DYNC1I1: variants seen among roughly 807,000 people sequenced by gnomAD.
DYNC1I1 encodes the protein cytoplasmic dynein 1 intermediate chain 1.
DYNC1I1 carries 43 observed loss-of-function variants against 86.6 expected under a neutral mutation model. The ratio of observed to expected loss-of-function variants is 0.50; its 90% confidence interval spans 0.39 to 0.64. DYNC1I1 has a LOEUF of 0.64. DYNC1I1 is among the 30% of genes least tolerant of loss of function. The pLI is 0.00. For missense variants in DYNC1I1, 604 were observed against 788.8 expected (o/e 0.77, Z 2.81); for synonymous variants, 262 against 283.7 (o/e 0.92, Z 0.77).
chr7:96,041,734 A>G lies in DYNC1I1; in HGVS notation c.1509+2313A>G, dbSNP rs192216154. On this transcript the variant is annotated intron_variant, in intron 14 of 16. Transcript: ENST00000447467. Reference sequence around the variant, plus strand: ...TAAAGCAAAGTGGAGAGAAGTGCAAATAGTATATTATCATTGTTTATAATT... The same window carrying G: ...TAAAGCAAAGTGGAGAGAAGTGCAAGTAGTATATTATCATTGTTTATAATT... 6.4e-3 allele frequency among the ~76,000 whole-genome samples: 982 copies of G among 152,252 alleles called. 7 individuals carry two copies. Among genetic ancestry groups the G allele is most frequent in the African/African-American group, 0.022 (929 of 41,558 alleles).
chr7:95,848,046 A>G (rs1266806126), intron 5 of DYNC1I1, among the ~76,000 whole-genome samples: 16 of 152,114 alleles, frequency 1.1e-4, no homozygotes. Flanking sequence ...GTATTGAATT[A>G]TATATGCATT....
At chr7:95,941,334 T>C (rs1792211122) in intron 6 of DYNC1I1, among the ~76,000 whole-genome samples, 1 of 151,942 alleles carries the variant, frequency 6.6e-6, no homozygotes, top group Non-Finnish European at 1.5e-5. Flanking sequence ...TTCAAAGCTG[T>C]CAGACAGGGA....
At chr7:95,799,799 A>G (rs1794535097) in intron 1 of DYNC1I1, among the ~76,000 whole-genome samples, 1 of 152,046 alleles carries the variant, frequency 6.6e-6, no homozygotes, top group Admixed American at 6.6e-5. Flanking sequence ...TAAATCAGTA[A>G]TGTCCCATGT....
At chr7:95,886,807 G>A (rs181985810) in intron 6 of DYNC1I1, among the ~76,000 whole-genome samples, 1 of 152,324 alleles carries the variant, frequency 6.6e-6, no homozygotes, top group Admixed American at 6.5e-5. Flanking sequence ...TATGAAAGGA[G>A]CAGCAGTGAT....
intron 6 of DYNC1I1, among the ~76,000 whole-genome samples, chr7:95,949,034 CT>C (rs1186654041): frequency 1.2e-4 from 18 of 152,102 alleles, no homozygotes; most frequent in Admixed American, 9.8e-4. Flanking sequence ...TCTTACTCTG[CT>C]TTTGCAACTT....
intron 6 of DYNC1I1, among the ~76,000 whole-genome samples, chr7:95,949,801 C>A (rs1792503432): frequency 6.6e-6 from 1 of 152,132 alleles, no homozygotes; most frequent in African/African-American, 2.4e-5. Context: ...AATACTCCTC[C>A]TTTAAAAAGC....
intron 14 of DYNC1I1, among the ~76,000 whole-genome samples, chr7:96,054,330 G>A (rs1789505897): frequency 6.6e-6 from 1 of 152,166 alleles, no homozygotes; most frequent in African/African-American, 2.4e-5. Flanking sequence ...CCTGTTTTAT[G>A]GCTGCATAGT....
intron 1 of DYNC1I1, among the ~76,000 whole-genome samples, chr7:95,779,116 A>G (rs1460868494): frequency 6.6e-6 from 1 of 152,242 alleles, no homozygotes; most frequent in Non-Finnish European, 1.5e-5. Flanking sequence ...TGAACATGCC[A>G]CAAAGCACAA....
chr7:96,072,404 G>A (rs1372017988), intron 14 of DYNC1I1, among the ~76,000 whole-genome samples: 1 of 152,102 alleles, frequency 6.6e-6, no homozygotes, highest in Non-Finnish European at 1.5e-5. Flanking sequence ...ACATGACATA[G>A]AAAAGGAAAC....
chr7:95,957,288 G>A (rs1384307763), intron 6 of DYNC1I1, among the ~76,000 whole-genome samples: 2 of 152,072 alleles, frequency 1.3e-5, no homozygotes, highest in Admixed American at 1.3e-4. Context: ...CAGTATCAGT[G>A]GCATTTTTGT....
At chr7:96,101,296 C>T (rs1198655205), downstream of DYNC1I1, among the ~76,000 whole-genome samples, 6 of 152,116 alleles carry the variant, frequency 3.9e-5, no homozygotes, top group Admixed American at 6.5e-5. Context: ...AGAATGGAGA[C>T]GCAGGAGACT....
At chr7:95,954,635 C>G (rs916141177) in intron 6 of DYNC1I1, among the ~76,000 whole-genome samples, 5 of 151,998 alleles carry the variant, frequency 3.3e-5, no homozygotes, top group African/African-American at 9.7e-5. Context: ...GGACAATGGG[C>G]CGGGCATGGT....
rs1372268210 is a variant in DYNC1I1 at position 96,097,612 on chromosome 7, AC to A, written c.*20del. The A allele has an allele frequency of 3.1e-6, 5 of 1,613,070 alleles. No individual in the cohort carries two copies. The highest frequency in any genetic ancestry group is 4.2e-6 in the Non-Finnish European group (5 of 1,179,452). ...TGCCTAGTGGAAATGAGCCACCCCCACTGCAGCCCCCACCTTTGTGTCCTAG... is the reference window on the plus strand; with the variant it reads ...TGCCTAGTGGAAATGAGCCACCCCCATGCAGCCCCCACCTTTGTGTCCTAG... On this transcript the variant is annotated 3_prime_UTR_variant, in exon 17 of 17. Coordinates refer to ENST00000447467, the MANE Select transcript of DYNC1I1 (RefSeq NM_001135556.2).
intron 6 of DYNC1I1, among the ~76,000 whole-genome samples, chr7:95,931,630 G>A (rs1279108199): frequency 6.6e-6 from 1 of 152,106 alleles, no homozygotes; most frequent in African/African-American, 2.4e-5. Flanking sequence ...CTCCCTACCT[G>A]TTTTTGTAAA....
chr7:95,796,838 A>G (rs1794450288), intron 1 of DYNC1I1, among the ~76,000 whole-genome samples: 1 of 151,962 alleles, frequency 6.6e-6, no homozygotes, highest in Admixed American at 6.6e-5. Context: ...GGGATCTGTA[A>G]GGTCAAAGCT....
chr7:95,964,719 G>C (rs1792963633), intron 6 of DYNC1I1, among the ~76,000 whole-genome samples: 3 of 152,088 alleles, frequency 2.0e-5, no homozygotes. Context: ...TGAAGGTGAA[G>C]GGAAAACAAG....
intron 1 of DYNC1I1, among the ~76,000 whole-genome samples, chr7:95,798,653 A>C: frequency 6.6e-6 from 1 of 152,206 alleles, no homozygotes; most frequent in Non-Finnish European, 1.5e-5. Flanking sequence ...TTAAAAATAC[A>C]TTTGCATATG....
At chr7:95,868,392 C>T (rs965742815) in intron 5 of DYNC1I1, among the ~76,000 whole-genome samples, 1 of 151,948 alleles carries the variant, frequency 6.6e-6, no homozygotes, top group African/African-American at 2.4e-5. Flanking sequence ...CTAACTGTGC[C>T]ATGCATTTTC....
intron 10 of DYNC1I1, among the ~76,000 whole-genome samples, chr7:96,018,474 T>C (rs1794454814): frequency 6.6e-6 from 1 of 152,196 alleles, no homozygotes; most frequent in South Asian, 2.1e-4. Flanking sequence ...GTGTAGTATA[T>C]GCTTGACACT....
Sources: gnomAD v4.1 joint callset for allele counts (sites outside exome capture counted in the v4.1 genomes callset) on GRCh38, gnomAD v4.1.1 for gene constraint, MANE v1.5 for transcripts, NCBI Gene and HGNC (gene_info 2026-07-23, HGNC 2026-07-21) for gene names.